AMZ1: variants seen among roughly 807,000 people sequenced by gnomAD.
AMZ1 encodes the protein archaemetzincin-1.
A neutral mutation model predicts 29.9 loss-of-function variants in AMZ1; 39 were observed. That is an observed-to-expected ratio of 1.30 (90% CI 1.01 to 1.70). AMZ1 has a LOEUF of 1.70. Ranked by LOEUF, AMZ1 falls within the 40% of genes most tolerant of loss-of-function variation. The pLI, the probability that AMZ1 is intolerant of heterozygous loss-of-function variation, is 0.00. For missense variants in AMZ1, 1,041 were observed against 680.6 expected (o/e 1.53, Z -5.89); for synonymous variants, 458 against 304.0 (o/e 1.51, Z -5.27).
At chr7:2,762,513 G>A (rs76496990), upstream of AMZ1, 3,851 of 981,470 alleles carry the variant, frequency 3.9e-3, 124 homozygotes, top group African/African-American at 0.059. Flanking sequence ...CCTAACTGTG[G>A]ACTACAAAAG....
intron 4 of AMZ1, among the ~76,000 whole-genome samples, chr7:2,754,791 AAAC>A (rs1306909762): frequency 6.6e-6 from 1 of 152,170 alleles, no homozygotes; most frequent in Non-Finnish European, 1.5e-5. Context: ...AATTTTGATG[AAAC>A]AAAAATGACC....
At chr7:2,705,774 C>T (rs544788030) in intron 3 of AMZ1, among the ~76,000 whole-genome samples, 1 of 152,364 alleles carries the variant, frequency 6.6e-6, no homozygotes, top group East Asian at 1.9e-4. Context: ...ACAGGCTTCC[C>T]CAGCCCCTGA....
chr7:2,734,419 C>A (rs760333016), intron 4 of AMZ1, among the ~76,000 whole-genome samples: 1 of 152,212 alleles, frequency 6.6e-6, no homozygotes, highest in East Asian at 1.9e-4. Context: ...GACATCAGGG[C>A]TTGTGGGAAG....
intron 3 of AMZ1, among the ~76,000 whole-genome samples, chr7:2,707,042 A>C (rs149689381): frequency 4.6e-5 from 7 of 152,302 alleles, no homozygotes; most frequent in African/African-American, 1.7e-4. Context: ...TGGGAGACCG[A>C]GGCAGACGGA....
At chr7:2,759,896 T>C (rs1791477417), upstream of AMZ1, among the ~76,000 whole-genome samples, 1 of 152,120 alleles carries the variant, frequency 6.6e-6, no homozygotes, top group African/African-American at 2.4e-5. Context: ...CTGAGGTCCT[T>C]TGAAAAGCTC....
In AMZ1 at chr7:2,712,410, C is replaced by T; in HGVS notation, c.1029C>T (p.Thr343=). The T allele has an allele frequency of 6.2e-7, 1 of 1,611,484 alleles. No individual in the cohort carries two copies. The highest frequency in any genetic ancestry group is 8.5e-7 in the Non-Finnish European group (1 of 1,179,494). Residue 343 remains threonine (T), a synonymous_variant, in exon 7 of 7, where the codon ACC becomes ACT. Transcript: ENST00000683327. ...GGGAGCCGTCAGTGTGGGAGGACAC[C>T]CCGCCTGCCAGCGCCGACTCGGGCA... is the stretch of plus-strand genomic sequence containing the variant. The part of the protein sequence containing the change: ...EAGEPSVWED[T]PPASADSGMC...
chr7:2,705,906 C>G (rs754647558), intron 3 of AMZ1, among the ~76,000 whole-genome samples: 2 of 152,262 alleles, frequency 1.3e-5, no homozygotes, highest in African/African-American at 4.8e-5. Context: ...ACCTCCCCCA[C>G]GCCGTACACG....
rs541662977 is a variant in AMZ1 at position 2,700,649 on chromosome 7, G to A, written c.198G>A (p.Trp66Ter). Residue 66 changes from tryptophan (W) to a stop codon, truncating the protein, a stop_gained, in exon 2 of 7, where the codon TGG becomes TGA. Coordinates refer to ENST00000683327, the MANE Select transcript of AMZ1 (RefSeq NM_001384743.1). LOFTEE classifies it high-confidence loss of function. ...CTLLIRTGFDWLLSRPEAPED... is the reference protein window; with the variant it reads ...CTLLIRTGFD ...TGCTCATCCGCACGGGCTTCGACTG[G>A]CTCCTGAGCCGACCCGAGGCTCCCG... 1 of 1,612,046 alleles carries A rather than the reference G, an allele frequency of 6.2e-7. No individual in the cohort carries two copies.
At chr7:2,697,946 T>G (rs1214070084) in intron 1 of AMZ1, among the ~76,000 whole-genome samples, 1 of 152,186 alleles carries the variant, frequency 6.6e-6, no homozygotes, top group Non-Finnish European at 1.5e-5. Context: ...AAAAAATATA[T>G]TTGTGTATAT....
Position 2,733,586 on chromosome 7 carries a change from C to T in AMZ1, n.550+23770C>T. 8 of 1,053,004 alleles carry T rather than the reference C, an allele frequency of 7.6e-6. No homozygotes were observed. The South Asian group carries it at 1.1e-4, about 14-fold the overall frequency. The allele number at this position is 1,053,004 out of a possible 1,614,324, so 65.2% of individuals were successfully genotyped here. On this transcript the variant is annotated intron_variant and non_coding_transcript_variant, in intron 4 of 4. Coordinates refer to the AMZ1 transcript ENST00000489665. ...ATACAAGAACTGAACAGGGTAAGAG[C>T]AGTGGCATTTCGCCTCCGTGTGAAT...
chr7:2,730,939 A>T, intron 4 of AMZ1: 1 of 509,240 alleles, frequency 2.0e-6, no homozygotes. Flanking sequence ...TATTCACAAC[A>T]TCATCACTCG....
rs773614441 is a variant in AMZ1 at position 2,708,652 on chromosome 7, ACT to A, written c.538_539del (p.Leu180ValfsTer2). The A allele has an allele frequency of 1.9e-6, 3 of 1,613,148 alleles. No homozygotes were observed. In the South Asian group the frequency reaches 3.3e-5, roughly 18 times the overall value. ...ACGCGCTGTGTGTGCTGGGCCTCAC[ACT>A]GTCTGACCTGTACCCCCATGAGGCC... is the stretch of plus-strand genomic sequence containing the variant. ...GDALCVLGLT[L>X]SDLYPHEAWS... On this transcript the variant is annotated frameshift_variant, in exon 4 of 7. Coordinates refer to ENST00000683327, the MANE Select transcript of AMZ1 (RefSeq NM_001384743.1). LOFTEE classifies it high-confidence loss of function.
Position 2,757,101 on chromosome 7 carries a change from T to A in AMZ1, n.551-7611T>A, listed in dbSNP as rs184266595. Among the ~76,000 whole-genome samples the A allele has an allele frequency of 1.3e-3, 191 of 149,696 alleles. 2 individuals carry two copies. The highest frequency in any genetic ancestry group is 4.3e-3 in the African/African-American group (174 of 40,756). On this transcript the variant is annotated intron_variant and non_coding_transcript_variant, in intron 4 of 4. Coordinates refer to the AMZ1 transcript ENST00000489665. ...AGGCGGGGGAAAAAAGGAGGTGACC[T>A]TGGCAGGCCCGATCTAATCAGGTGG...
Position 2,709,756 on chromosome 7 carries a change from T to C in AMZ1, c.888T>C (p.Cys296=), listed in dbSNP as rs373778266. ...CCCTGCGGCGGCCCCTGGACCTCTGTCCCATCTGCCTGAGGAAGCTGCAGC... is the reference window on the plus strand; with the variant it reads ...CCCTGCGGCGGCCCCTGGACCTCTGCCCCATCTGCCTGAGGAAGCTGCAGC... ...DEALRRPLDL[C]PICLRKLQHV... is the part of the protein sequence containing the mutation. Residue 296 remains cysteine, a synonymous_variant, in exon 6 of 7, where the codon TGT becomes TGC. Transcript: ENST00000683327. 1.2e-5 allele frequency: 20 copies of C among 1,611,724 alleles called. No homozygotes were observed. In the African/African-American group the frequency reaches 2.3e-4, roughly 18 times the overall value.
intron 1 of AMZ1, among the ~76,000 whole-genome samples, chr7:2,690,219 G>C (rs553988533): frequency 3.2e-4 from 49 of 152,178 alleles, no homozygotes; most frequent in African/African-American, 1.1e-3. Context: ...GAGAGAGAGA[G>C]AGAGACAGAC....
intron 1 of AMZ1, among the ~76,000 whole-genome samples, chr7:2,683,024 G>A (rs946280483): frequency 1.3e-5 from 2 of 152,244 alleles, no homozygotes; most frequent in African/African-American, 2.4e-5. Flanking sequence ...GAGCTGCAGA[G>A]AGGCCAAGCC....
In AMZ1 at chr7:2,696,509, G is replaced by A. The variant is rs187504754; in HGVS notation, c.-218-3725G>A. ...CCTGACCTCGTGATCTGCCCGCCTG[G>A]GCCTCCCAAAGTGCTGTGATTACAG... On this transcript the variant is annotated intron_variant, in intron 1 of 6. Coordinates refer to ENST00000683327, the MANE Select transcript of AMZ1 (RefSeq NM_001384743.1). Among the ~76,000 whole-genome samples the A allele has an allele frequency of 0.013, 1,931 of 150,936 alleles. 73 individuals are homozygous for A. In the East Asian group the frequency reaches 0.14, roughly 11 times the overall value.
At chr7:2,694,795 C>T (rs1313385620) in intron 1 of AMZ1, among the ~76,000 whole-genome samples, 2 of 151,972 alleles carry the variant, frequency 1.3e-5, no homozygotes, top group Non-Finnish European at 2.9e-5. Context: ...GCCTCAGCCT[C>T]CCGAGTAGCT....
At chr7:2,749,533 G>T (rs1432672897) in intron 4 of AMZ1, among the ~76,000 whole-genome samples, 1 of 137,232 alleles carries the variant, frequency 7.3e-6, no homozygotes, top group Admixed American at 7.3e-5. Flanking sequence ...AGGGGGGAGG[G>T]ATAGCATTAG....
Sources: allele counts gnomAD v4.1 joint callset (sites outside exome capture counted in the v4.1 genomes callset), GRCh38; gene constraint gnomAD v4.1.1; transcripts MANE v1.5; gene names NCBI Gene and HGNC (gene_info 2026-07-23, HGNC 2026-07-21).